GTF2B: variants seen among roughly 807,000 people sequenced by gnomAD.
The protein encoded by GTF2B is transcription initiation factor IIB.
A neutral mutation model predicts 34.6 loss-of-function variants in GTF2B; 20 were observed. The observed-to-expected ratio is 0.58, with a 90% confidence interval of 0.41 to 0.84. The LOEUF (loss-of-function observed/expected upper bound fraction) is 0.84, where lower values mean the gene tolerates loss of function less well. Ranked by LOEUF, GTF2B falls within the 40% of genes least tolerant of loss-of-function variation. GTF2B has a pLI of 0.00. For synonymous variants in GTF2B, 142 were observed against 132.4 expected (o/e 1.07, Z -0.50); for missense variants, 237 against 393.3 (o/e 0.60, Z 3.36).
intron 6 of GTF2B, 86 bp from the exon 7 acceptor site, chr1:88,853,432 G>A: frequency 8.3e-7 from 1 of 1,208,780 alleles, no homozygotes; most frequent in Non-Finnish European, 1.2e-6. Context: ...AGATATGATA[G>A]TATAAAGTGC....
intron 2 of GTF2B, among the ~76,000 whole-genome samples, chr1:88,869,930 C>CA (rs1673650057): frequency 1.4e-5 from 2 of 144,230 alleles, no homozygotes; most frequent in Non-Finnish European, 3.1e-5. Context: ...GCCAAAATGA[C>CA]TTTTTTTTTT....
chr1:88,879,679 T>A (rs1200959667), intron 2 of GTF2B, among the ~76,000 whole-genome samples: 1 of 151,940 alleles, frequency 6.6e-6, no homozygotes, highest in Non-Finnish European at 1.5e-5. Flanking sequence ...TTGGGCCGTA[T>A]CTATGCTTAA....
intron 2 of GTF2B, among the ~76,000 whole-genome samples, chr1:88,877,301 G>T (rs1013870512): frequency 6.6e-6 from 1 of 152,038 alleles, no homozygotes; most frequent in African/African-American, 2.4e-5. Flanking sequence ...TTTTCCTTAC[G>T]TTGCTTTTAC....
At chr1:88,885,823 A>T (rs1420910313) in intron 2 of GTF2B, among the ~76,000 whole-genome samples, 1 of 152,104 alleles carries the variant, frequency 6.6e-6, no homozygotes, top group African/African-American at 2.4e-5. Context: ...ATTATTTTTG[A>T]TTTTTTTTAA....
intron 5 of GTF2B, among the ~76,000 whole-genome samples, chr1:88,859,146 G>GTGTC (rs1176735806): frequency 6.6e-6 from 1 of 152,094 alleles, no homozygotes; most frequent in African/African-American, 2.4e-5. Context: ...GATTACAGGT[G>GTGTC]TGAGACACCA....
intron 6 of GTF2B, among the ~76,000 whole-genome samples, chr1:88,854,684 C>A (rs1673262469): frequency 6.6e-6 from 1 of 152,162 alleles, no homozygotes; most frequent in African/African-American, 2.4e-5. Flanking sequence ...TTAGCAGAGG[C>A]AGGGTTTCAC....
intron 2 of GTF2B, among the ~76,000 whole-genome samples, chr1:88,876,501 G>GT (rs1184696936): frequency 1.3e-5 from 2 of 152,286 alleles, no homozygotes; most frequent in African/African-American, 4.8e-5. Flanking sequence ...GGGAGATGCT[G>GT]TCTCTACAAA....
At chr1:88,882,599 G>A (rs1316618037) in intron 2 of GTF2B, among the ~76,000 whole-genome samples, 1 of 152,074 alleles carries the variant, frequency 6.6e-6, no homozygotes, top group Non-Finnish European at 1.5e-5. Flanking sequence ...TCTCTTTTGG[G>A]GATCACATTT....
chr1:88,869,014 C>T lies in GTF2B; in HGVS notation c.125-4900G>A, dbSNP rs559124918. Among the ~76,000 whole-genome samples, 66 of 152,276 alleles carry T rather than the reference C, an allele frequency of 4.3e-4. No homozygotes were observed. The South Asian group carries it at 8.9e-3, about 21-fold the overall frequency. On this transcript the variant is annotated intron_variant, in intron 2 of 6. Coordinates refer to ENST00000370500, the MANE Select transcript of GTF2B (RefSeq NM_001514.6). ...TCTGCCTCCCAAAGTGCTGGGATTA[C>T]AGGCGTGAGCCACCGCGCCCGGCCT...
At chr1:88,881,265 A>G (rs59021063) in intron 2 of GTF2B, among the ~76,000 whole-genome samples, 17,666 of 151,968 alleles carry the variant, frequency 0.12, 2,475 homozygotes, top group African/African-American at 0.33. Context: ...GTAGCCCAGA[A>G]GCAATAGGCT....
intron 2 of GTF2B, among the ~76,000 whole-genome samples, chr1:88,869,778 C>T (rs1673647154): frequency 6.6e-6 from 1 of 152,160 alleles, no homozygotes; most frequent in Non-Finnish European, 1.5e-5. Flanking sequence ...AGGCGCCTGC[C>T]ACCACGTCTG....
intron 6 of GTF2B, among the ~76,000 whole-genome samples, chr1:88,856,067 C>T (rs966570495): frequency 3.9e-5 from 6 of 151,954 alleles, no homozygotes; most frequent in East Asian, 1.9e-4. Context: ...GCCAGGAGTT[C>T]GAGACAAGCC....
chr1:88,888,991 C>T (rs1674134240), intron 1 of GTF2B, among the ~76,000 whole-genome samples: 2 of 152,144 alleles, frequency 1.3e-5, no homozygotes, highest in African/African-American at 4.8e-5. Context: ...CACTTTGTAA[C>T]TGAGCTGCCC....
chr1:88,853,286 T>C lies in GTF2B; in HGVS notation c.878A>G (p.Tyr293Cys), dbSNP rs370884098. The C allele has an allele frequency of 3.7e-6, 6 of 1,609,948 alleles. No individual in the cohort carries two copies. Among genetic ancestry groups the C allele is most frequent in the Admixed American group, 1.7e-5 (1 of 60,022 alleles). Residue 293 changes from tyrosine (Y) to cysteine (C), a missense_variant, in exon 7 of 7, where the codon TAT becomes TGT. By Grantham distance (194) the Tyr-to-Cys change is radical. Coordinates refer to ENST00000370500, the MANE Select transcript of GTF2B (RefSeq NM_001514.6). ...AGGAAACAGATCTGGGGCTCGAGGA[T>C]AGATCAGTCTATAGGACTGTCTGAT... ...VTIRQSYRLI[Y>C]PRAPDLFPTD...
At chr1:88,890,186 T>C (rs1674167427) in intron 1 of GTF2B, among the ~76,000 whole-genome samples, 1 of 150,870 alleles carries the variant, frequency 6.6e-6, no homozygotes, top group Non-Finnish European at 1.5e-5. Flanking sequence ...GGTAGAATTT[T>C]AAGTCGTATT....
chr1:88,854,307 T>C (rs936394589), intron 6 of GTF2B, among the ~76,000 whole-genome samples: 1 of 152,194 alleles, frequency 6.6e-6, no homozygotes, highest in Admixed American at 6.5e-5. Flanking sequence ...GAGATGTTTT[T>C]CACTGATACA....
intron 2 of GTF2B, among the ~76,000 whole-genome samples, chr1:88,885,331 T>G (rs1012594930): frequency 6.6e-6 from 1 of 151,860 alleles, no homozygotes; most frequent in African/African-American, 2.4e-5. Context: ...TCCCAGCTAT[T>G]CGGGAGGCTG....
At chr1:88,887,482 T>G in intron 1 of GTF2B, 115 bp from the exon 2 acceptor site, 2 of 700,396 alleles carry the variant, frequency 2.9e-6, no homozygotes, top group Non-Finnish European at 2.6e-6. Flanking sequence ...TACATACAAC[T>G]GTAACACATA....
At chr1:88,874,103 C>A (rs1356815897) in intron 2 of GTF2B, among the ~76,000 whole-genome samples, 1 of 152,114 alleles carries the variant, frequency 6.6e-6, no homozygotes. Context: ...CATTTATCCT[C>A]TTTACTATGC....
Sources: gnomAD v4.1 joint callset for allele counts (sites outside exome capture counted in the v4.1 genomes callset) on GRCh38, gnomAD v4.1.1 for gene constraint, MANE v1.5 for transcripts, NCBI Gene and HGNC (gene_info 2026-07-23, HGNC 2026-07-21) for gene names.